PPP2R2B: variants seen among roughly 807,000 people sequenced by gnomAD.
The protein encoded by PPP2R2B is protein phosphatase 2 regulatory subunit Bbeta, also known as serine/threonine-protein phosphatase 2A 55 kDa regulatory subunit B beta isoform.
A neutral mutation model predicts 46.0 loss-of-function variants in PPP2R2B; 5 were observed. The observed-to-expected ratio is 0.11, with a 90% confidence interval of 0.06 to 0.23. The LOEUF is 0.23. Among genes scored for constraint, PPP2R2B ranks in the 10% least tolerant of loss-of-function variants. PPP2R2B has a pLI of 1.00. For missense variants in PPP2R2B, 367 were observed against 575.0 expected, an observed-to-expected ratio of 0.64 and a Z score of 3.70; for synonymous variants, 215 against 206.7, an observed-to-expected ratio of 1.04 and a Z score of -0.34.
At chr5:146,886,875 T>C (rs1263716940) in intron 1 of PPP2R2B, among the ~76,000 whole-genome samples, 1 of 151,116 alleles carries the variant, frequency 6.6e-6, no homozygotes. Flanking sequence ...CTTTATAGGA[T>C]GAAACTTGTA....
In PPP2R2B at chr5:146,581,946, G is replaced by C. The variant is rs549440314; in HGVS notation, c.*8001C>G. 6.6e-6 allele frequency: 1 copy of C among 152,288 alleles called. No homozygotes were observed. The highest frequency in any genetic ancestry group is 6.5e-5 in the Admixed American group (1 of 15,298). The allele number at this position is 152,288 out of a possible 1,614,324, so 9.4% of individuals were successfully genotyped here. On this transcript the variant is annotated 3_prime_UTR_variant, in exon 10 of 10. Transcript: ENST00000394411. ...GGAGGAAGTCAAGTTTATCTTATTG[G>C]AGTGAATTGGGCATGTAGAATAAAA...
chr5:146,960,576 G>C (rs988259326), intron 1 of PPP2R2B, among the ~76,000 whole-genome samples: 6 of 152,064 alleles, frequency 3.9e-5, no homozygotes, highest in Non-Finnish European at 8.8e-5. Flanking sequence ...AATAAAAGTC[G>C]CTCAGAGTTT....
chr5:147,028,330 G>T (rs1755624309), intron 1 of PPP2R2B, among the ~76,000 whole-genome samples: 1 of 152,016 alleles, frequency 6.6e-6, no homozygotes, highest in Admixed American at 6.6e-5. Flanking sequence ...AGAGTAACAG[G>T]TATACAGAAA....
At chr5:146,973,095 TC>T (rs1359495156) in intron 1 of PPP2R2B, among the ~76,000 whole-genome samples, 60 of 152,342 alleles carry the variant, frequency 3.9e-4, no homozygotes, top group African/African-American at 1.4e-3. Context: ...GTATCCTTTT[TC>T]TGAGGTTATG....
intron 1 of PPP2R2B, among the ~76,000 whole-genome samples, chr5:146,887,124 T>C (rs1258195745): frequency 6.6e-6 from 1 of 152,116 alleles, no homozygotes; most frequent in African/African-American, 2.4e-5. Context: ...GATAAAATTA[T>C]CTTATTTAAT....
chr5:146,940,995 G>T (rs955007460), intron 1 of PPP2R2B, among the ~76,000 whole-genome samples: 1 of 152,094 alleles, frequency 6.6e-6, no homozygotes, highest in African/African-American at 2.4e-5. Context: ...TTTGTCCACC[G>T]CTGGTGCATT....
At chr5:147,023,086 A>G (rs993638414) in intron 1 of PPP2R2B, among the ~76,000 whole-genome samples, 10 of 152,210 alleles carry the variant, frequency 6.6e-5, no homozygotes, top group African/African-American at 2.4e-4. Flanking sequence ...GAATTGTATT[A>G]TGCCATATGT....
At chr5:146,994,037 G>T (rs947950054) in intron 1 of PPP2R2B, among the ~76,000 whole-genome samples, 2 of 152,162 alleles carry the variant, frequency 1.3e-5, no homozygotes, top group African/African-American at 4.8e-5. Context: ...TAAGCAGGTT[G>T]TGGCTTCTTA....
intron 5 of PPP2R2B, among the ~76,000 whole-genome samples, chr5:146,673,166 CA>C (rs1428394845): frequency 1.3e-5 from 2 of 152,186 alleles, no homozygotes; most frequent in Non-Finnish European, 2.9e-5. Context: ...GTGTTGTTAT[CA>C]AACAGAAATA....
At chr5:147,022,001 C>T (rs916256095) in intron 1 of PPP2R2B, among the ~76,000 whole-genome samples, 1 of 151,724 alleles carries the variant, frequency 6.6e-6, no homozygotes, top group African/African-American at 2.4e-5. Context: ...AAAGGAACTT[C>T]CGGAGTTAAA....
chr5:146,953,408 G>T (rs2151836924), intron 1 of PPP2R2B, among the ~76,000 whole-genome samples: 1 of 152,228 alleles, frequency 6.6e-6, no homozygotes, highest in Non-Finnish European at 1.5e-5. Context: ...GGATACACCA[G>T]CTCCAAACAT....
intron 1 of PPP2R2B, among the ~76,000 whole-genome samples, chr5:146,988,151 G>C (rs550575214): frequency 5.3e-5 from 8 of 151,988 alleles, no homozygotes; most frequent in African/African-American, 1.9e-4. Context: ...GGAAGAAATT[G>C]ACTGCAATAC....
chr5:147,058,065 C>T (rs143623439), upstream of PPP2R2B, among the ~76,000 whole-genome samples: 463 of 152,254 alleles, frequency 3.0e-3, 2 homozygotes, highest in Non-Finnish European at 5.1e-3. Flanking sequence ...AAAGTACAAA[C>T]TCTTGAGGGG....
chr5:146,939,682 T>C (rs1046115245), intron 1 of PPP2R2B, among the ~76,000 whole-genome samples: 4 of 152,238 alleles, frequency 2.6e-5, no homozygotes, highest in African/African-American at 7.2e-5. Context: ...AAACATAGTA[T>C]TCCTGCTTGA....
At chr5:146,828,543 T>C (rs1053154591) in intron 2 of PPP2R2B, among the ~76,000 whole-genome samples, 6 of 152,220 alleles carry the variant, frequency 3.9e-5, no homozygotes, top group African/African-American at 1.4e-4. Context: ...CAGAATGTTG[T>C]AGAATTCAGC....
intron 2 of PPP2R2B, among the ~76,000 whole-genome samples, chr5:146,749,028 C>A (rs1028064906): frequency 2.6e-5 from 4 of 152,192 alleles, no homozygotes; most frequent in Non-Finnish European, 4.4e-5. Flanking sequence ...ATTTTACATT[C>A]CTATCAAAAA....
rs547496073 is a variant in PPP2R2B at position 146,977,589 on chromosome 5, C to G, written c.79+78076G>C. Among the ~76,000 whole-genome samples the G allele has an allele frequency of 3.9e-5, 6 of 152,206 alleles. 1 individual carries two copies. The South Asian group carries it at 1.2e-3, about 32-fold the overall frequency. On this transcript the variant is annotated intron_variant, in intron 1 of 8. Transcript: ENST00000336640. ...CCCTCACTGTGTCCATGTGTTCTCA[C>G]TGTTCAACTCCCACTTATGAGTGAG...
chr5:146,887,631 C>A (rs1220715738), intron 1 of PPP2R2B, among the ~76,000 whole-genome samples: 1 of 152,152 alleles, frequency 6.6e-6, no homozygotes, highest in Non-Finnish European at 1.5e-5. Context: ...CAAACTCAGA[C>A]AAGAAAGATG....
intron 1 of PPP2R2B, among the ~76,000 whole-genome samples, chr5:146,938,750 C>CTTT (rs1764231541): frequency 8.1e-6 from 1 of 123,884 alleles, no homozygotes; most frequent in African/African-American, 3.2e-5. Flanking sequence ...TAGATAATAG[C>CTTT]CTTTTTTTTT....
Sources: allele counts gnomAD v4.1 joint callset (sites outside exome capture counted in the v4.1 genomes callset), GRCh38; gene constraint gnomAD v4.1.1; transcripts MANE v1.5; gene names NCBI Gene and HGNC (gene_info 2026-07-23, HGNC 2026-07-21).